PLXNA4: variants seen among roughly 807,000 people sequenced by gnomAD.
PLXNA4 encodes plexin-A4.
PLXNA4 carries 44 observed loss-of-function variants against 191.8 expected under a neutral mutation model. That is an observed-to-expected ratio of 0.23 (90% CI 0.18 to 0.29). The LOEUF (loss-of-function observed/expected upper bound fraction) is 0.29, where lower values mean the gene tolerates loss of function less well. PLXNA4 is among the 10% of genes least tolerant of loss of function. The probability of loss-of-function intolerance (pLI) is 1.00; values close to 1 mark genes in which losing one functional copy is unlikely to be tolerated. For synonymous variants in PLXNA4, 1,082 were observed against 1,009.5 expected (o/e 1.07, Z -1.36); for missense variants, 1,800 against 2,488.8 (o/e 0.72, Z 5.89).
At chr7:132,293,499 G>A (rs1475684371) in intron 4 of PLXNA4, among the ~76,000 whole-genome samples, 1 of 152,252 alleles carries the variant, frequency 6.6e-6, no homozygotes, top group South Asian at 2.1e-4. Flanking sequence ...CACAACACAT[G>A]GGAATTATGG....
intron 10 of PLXNA4, among the ~76,000 whole-genome samples, chr7:132,208,478 A>C (rs1386731572): frequency 2.0e-5 from 3 of 151,994 alleles, no homozygotes; most frequent in African/African-American, 7.2e-5. Context: ...GCAGCTCTGA[A>C]CTCCAGAGGG....
intron 2 of PLXNA4, among the ~76,000 whole-genome samples, chr7:132,500,408 A>C (rs2117603686): frequency 1.3e-5 from 2 of 151,618 alleles, no homozygotes; most frequent in Middle Eastern, 3.4e-3. Flanking sequence ...GCGCCATTGC[A>C]CTCCACCCTG....
chr7:132,537,310 A>G (rs1346702869), intron 1 of PLXNA4, among the ~76,000 whole-genome samples: 1 of 152,230 alleles, frequency 6.6e-6, no homozygotes, highest in Non-Finnish European at 1.5e-5. Flanking sequence ...AATGCCTAAA[A>G]TGAGCTCTTG....
chr7:132,417,134 G>A (rs1234470479), intron 3 of PLXNA4, among the ~76,000 whole-genome samples: 3 of 152,110 alleles, frequency 2.0e-5, no homozygotes, highest in Non-Finnish European at 2.9e-5. Flanking sequence ...CTTCCCCCTG[G>A]CCTCAAAGAT....
intron 4 of PLXNA4, among the ~76,000 whole-genome samples, chr7:132,247,598 A>G (rs1459863365): frequency 6.6e-6 from 1 of 152,114 alleles, no homozygotes; most frequent in African/African-American, 2.4e-5. Context: ...AGTAATACAC[A>G]TGGGTCTTAG....
intron 3 of PLXNA4, among the ~76,000 whole-genome samples, chr7:132,377,511 G>A (rs1287383662): frequency 6.6e-6 from 1 of 151,898 alleles, no homozygotes; most frequent in African/African-American, 2.4e-5. Flanking sequence ...TAGGAAAACT[G>A]AGGTGCAAGA....
Position 132,124,345 on chromosome 7 carries a change from G to A in PLXNA4, c.*6134C>T, listed in dbSNP as rs375575755. The A allele has an allele frequency of 5.3e-5, 8 of 152,154 alleles. No individual in the cohort carries two copies. In the East Asian group the frequency reaches 5.8e-4, roughly 11 times the overall value. 9.4% of individuals were successfully genotyped at this position (152,154 alleles called of 1,614,324 possible). A position where few individuals can be genotyped will look rare whatever the true frequency, so the allele number is the denominator to read the frequency against. On this transcript the variant is annotated 3_prime_UTR_variant, in exon 32 of 32. Transcript: ENST00000321063. ...AGATGAGCACGTGTATCCCATCTTCGTCCTGTGCCTGGATTGCGGCTGACT... is the reference window on the plus strand; with the variant it reads ...AGATGAGCACGTGTATCCCATCTTCATCCTGTGCCTGGATTGCGGCTGACT...
At chr7:132,235,982 A>G (rs995219271) in intron 5 of PLXNA4, among the ~76,000 whole-genome samples, 6 of 152,200 alleles carry the variant, frequency 3.9e-5, no homozygotes, top group African/African-American at 1.2e-4. Context: ...TGAAGCTGTC[A>G]TTGCCATCAG....
At chr7:132,258,452 C>T (rs1198147658) in intron 4 of PLXNA4, among the ~76,000 whole-genome samples, 1 of 152,216 alleles carries the variant, frequency 6.6e-6, no homozygotes, top group African/African-American at 2.4e-5. Context: ...CTGGCAGTGG[C>T]TGCTGCAGGC....
chr7:132,564,875 C>T (rs1684133069), intron 1 of PLXNA4, among the ~76,000 whole-genome samples: 1 of 152,174 alleles, frequency 6.6e-6, no homozygotes, highest in South Asian at 2.1e-4. Context: ...TGGACTCCTG[C>T]ACTGACCATC....
rs115606663 is a variant in PLXNA4, at chr7:132,427,113, G to T, written c.1371+62179C>A. ...AGTGGTGGGAGACTTGAGCAACCTA[G>T]CAGGGCAACTGGGTAAGACACTGCA... On this transcript the variant is annotated intron_variant, in intron 3 of 31. Coordinates refer to ENST00000321063, the MANE Select transcript of PLXNA4 (RefSeq NM_020911.2). Among the ~76,000 whole-genome samples, 530 of 152,320 alleles carry T rather than the reference G, an allele frequency of 3.5e-3. 2 individuals are homozygous for T. Among genetic ancestry groups the T allele is most frequent in the African/African-American group, 0.012 (497 of 41,572 alleles).
At chr7:132,384,846 A>G (rs762321350) in intron 3 of PLXNA4, 348 of 1,166,028 alleles carry the variant, frequency 3.0e-4, no homozygotes, top group Non-Finnish European at 3.6e-4. Flanking sequence ...TTATCCTACC[A>G]TATATCAGGC....
chr7:132,609,672 T>C (rs547210640), intron 2 of PLXNA4, among the ~76,000 whole-genome samples: 1 of 152,226 alleles, frequency 6.6e-6, no homozygotes, highest in African/African-American at 2.4e-5. Flanking sequence ...ACAGCCTCTC[T>C]GGTGTTAAGT....
chr7:132,454,941 G>C (rs532892175), intron 3 of PLXNA4, among the ~76,000 whole-genome samples: 3 of 152,284 alleles, frequency 2.0e-5, no homozygotes, highest in African/African-American at 7.2e-5. Context: ...CCTACGGTGG[G>C]CTGTCCACCT....
chr7:132,310,338 G>C (rs933070130), intron 3 of PLXNA4, among the ~76,000 whole-genome samples: 1 of 152,214 alleles, frequency 6.6e-6, no homozygotes, highest in Non-Finnish European at 1.5e-5. Flanking sequence ...AAGATGAAGA[G>C]GAGATAATGT....
Position 132,214,336 on chromosome 7 carries a change from G to A in PLXNA4, c.2098-3193C>T, listed in dbSNP as rs148813239. On this transcript the variant is annotated intron_variant, in intron 9 of 31. Transcript: ENST00000321063. ...AGTTCTCTAATGAGTCCTGATTATC[G>A]GTAGCCCCATAAAGGCCTAGTTTGC... Among the ~76,000 whole-genome samples, 29 of 152,214 alleles carry A rather than the reference G, an allele frequency of 1.9e-4. 1 individual carries two copies. Among genetic ancestry groups the A allele is most frequent in the South Asian group, 6.2e-4 (3 of 4,818 alleles).
chr7:132,261,223 C>T (rs140469994), intron 4 of PLXNA4, among the ~76,000 whole-genome samples: 1,942 of 152,270 alleles, frequency 0.013, 40 homozygotes, highest in African/African-American at 0.044. Context: ...GCTGCAAAGG[C>T]TGAGGGACCC....
intron 4 of PLXNA4, among the ~76,000 whole-genome samples, chr7:132,241,410 T>C (rs1321893610): frequency 2.0e-5 from 3 of 152,190 alleles, no homozygotes; most frequent in African/African-American, 4.8e-5. Context: ...ACAGACTCCA[T>C]ACAGTCCATA....
At chr7:132,182,260 G>A in intron 16 of PLXNA4, 70 bp from the exon 17 acceptor site, 1 of 1,586,322 alleles carries the variant, frequency 6.3e-7, no homozygotes, top group Non-Finnish European at 8.6e-7. Context: ...CTACAATGAT[G>A]ACTGAGCTAT....
Sources: gnomAD v4.1 joint callset for allele counts (sites outside exome capture counted in the v4.1 genomes callset) on GRCh38, gnomAD v4.1.1 for gene constraint, MANE v1.5 for transcripts, NCBI Gene and HGNC (gene_info 2026-07-23, HGNC 2026-07-21) for gene names.